Variants in GLT1D1 observed in about 807,000 individuals in gnomAD.
GLT1D1 encodes the protein glycosyltransferase 1 domain containing 1, also known as glycosyltransferase 1 domain-containing protein 1.
A neutral mutation model predicts 28.7 loss-of-function variants in GLT1D1; 21 were observed. The observed-to-expected ratio is 0.73, with a 90% confidence interval of 0.52 to 1.05. The LOEUF is 1.05. Among genes scored for constraint, GLT1D1 ranks in the 50% least tolerant of loss-of-function variants. The pLI is 0.00. For synonymous variants in GLT1D1, 147 were observed against 124.8 expected (o/e 1.18, Z -1.19); for missense variants, 343 against 330.6 (o/e 1.04, Z -0.29).
chr12:128,969,280 A>ACT (rs375310886), intron 7 of GLT1D1, among the ~76,000 whole-genome samples: 4 of 117,938 alleles, frequency 3.4e-5, no homozygotes, highest in Middle Eastern at 4.3e-3. Flanking sequence ...TCTCTCTCTC[A>ACT]CTCTCTCTCT....
At chr12:128,975,868 G>C (rs1490678169) in intron 7 of GLT1D1, among the ~76,000 whole-genome samples, 1 of 152,190 alleles carries the variant, frequency 6.6e-6, no homozygotes. Flanking sequence ...TGTTTTAAGA[G>C]GTGGGTGGAA....
At chr12:128,862,520 G>A (rs912982554) in intron 1 of GLT1D1, among the ~76,000 whole-genome samples, 3 of 152,028 alleles carry the variant, frequency 2.0e-5, no homozygotes, top group African/African-American at 7.2e-5. Flanking sequence ...GCTGAGCATA[G>A]TGGTCCCAGC....
intron 7 of GLT1D1, among the ~76,000 whole-genome samples, chr12:128,962,771 G>A (rs932331238): frequency 1.3e-5 from 2 of 151,996 alleles, no homozygotes; most frequent in Non-Finnish European, 2.9e-5. Flanking sequence ...ATGTGATCTC[G>A]GCTTGCTGCA....
intron 2 of GLT1D1, among the ~76,000 whole-genome samples, chr12:128,881,562 ATATATATATATAT>A (rs1276439305): frequency 4.6e-5 from 1 of 21,874 alleles, no homozygotes; most frequent in African/African-American, 2.0e-4. Context: ...AAAAAAAAAA[ATATATATATATAT>A]ATATATATAT....
At chr12:128,975,677 C>T (rs1468819163) in intron 7 of GLT1D1, among the ~76,000 whole-genome samples, 1 of 152,190 alleles carries the variant, frequency 6.6e-6, no homozygotes, top group Non-Finnish European at 1.5e-5. Context: ...GGCTTGAACT[C>T]CTGACCTCAA....
At chr12:128,887,797 T>C (rs999989114) in intron 2 of GLT1D1, among the ~76,000 whole-genome samples, 1 of 152,108 alleles carries the variant, frequency 6.6e-6, no homozygotes, top group African/African-American at 2.4e-5. Flanking sequence ...AGAAATAGCT[T>C]GTTTGAGAAA....
chr12:128,865,802 A>T (rs868279822), intron 1 of GLT1D1, among the ~76,000 whole-genome samples: 8 of 152,132 alleles, frequency 5.3e-5, no homozygotes, highest in African/African-American at 1.4e-4. Flanking sequence ...AGCCTGGGTG[A>T]CAGGGCGAGA....
Position 128,945,453 on chromosome 12 carries a change from C to T in GLT1D1, c.419+84C>T. ...TTACCTGAACTCACATTTATCCAGT[C>T]CCAGGCACTATTCCAAGCAGTTTCC... On this transcript the variant is annotated intron_variant, in intron 5 of 7. Transcript: ENST00000281703. 8 of 1,081,164 alleles carry T rather than the reference C, an allele frequency of 7.4e-6. No individual in the cohort carries two copies. In the South Asian group the frequency reaches 9.9e-5, roughly 13 times the overall value. 67.0% of individuals were successfully genotyped at this position (1,081,164 alleles called of 1,614,324 possible). A position where few individuals can be genotyped will look rare whatever the true frequency, so the allele number is the denominator to read the frequency against.
intron 4 of GLT1D1, among the ~76,000 whole-genome samples, chr12:128,931,917 G>GCA (rs372135029): frequency 1.2e-3 from 174 of 141,096 alleles, no homozygotes; most frequent in South Asian, 1.8e-3. Context: ...ACACACGCAC[G>GCA]CACACACACA....
intron 1 of GLT1D1, among the ~76,000 whole-genome samples, chr12:128,854,231 G>C (rs1418440944): frequency 6.6e-6 from 1 of 152,146 alleles, no homozygotes; most frequent in Non-Finnish European, 1.5e-5. Context: ...TGTTCTGGTC[G>C]CTGGAACGCA....
At chr12:128,971,361 G>A (rs997471995) in intron 7 of GLT1D1, among the ~76,000 whole-genome samples, 18 of 118,282 alleles carry the variant, frequency 1.5e-4, no homozygotes, top group African/African-American at 5.0e-4. Context: ...TCTGTTCTTT[G>A]CTCCCATTTT....
intron 4 of GLT1D1, 82 bp downstream of exon 4, chr12:128,899,369 C>A: frequency 8.7e-7 from 1 of 1,146,418 alleles, no homozygotes; most frequent in Non-Finnish European, 1.3e-6. Context: ...CCTTACTGAG[C>A]TGACAGTGTT....
intron 1 of GLT1D1, among the ~76,000 whole-genome samples, chr12:128,862,606 T>G (rs1474814759): frequency 6.6e-6 from 1 of 152,188 alleles, no homozygotes; most frequent in South Asian, 2.1e-4. Flanking sequence ...ATGGCACCAC[T>G]GCACTCCAGC....
chr12:128,920,785 T>A (rs1183042958), intron 4 of GLT1D1, among the ~76,000 whole-genome samples: 7 of 152,238 alleles, frequency 4.6e-5, no homozygotes, highest in Non-Finnish European at 7.3e-5. Context: ...GAAATGGTTC[T>A]ATCGGAAAGA....
At chr12:128,933,923 G>A (rs545204013) in intron 4 of GLT1D1, among the ~76,000 whole-genome samples, 85 of 152,266 alleles carry the variant, frequency 5.6e-4, no homozygotes, top group Non-Finnish European at 8.2e-4. Context: ...AGAAGTGGGC[G>A]AGAGGTCAAG....
chr12:128,881,534 GAAAAAAAAAA>G lies in GLT1D1; in HGVS notation c.217+5491_217+5500del, dbSNP rs1161429342. On this transcript the variant is annotated intron_variant, in intron 2 of 7. Coordinates refer to ENST00000281703, the MANE Select transcript of GLT1D1 (RefSeq NM_144669.3). ...GGGCAACAGAGTGAGACTCTGTATC[GAAAAAAAAAA>G]AAAAAAAAAAAAAAAAAATATATAT... 8.4e-4 allele frequency among the ~76,000 whole-genome samples: 20 copies of G among 23,882 alleles called. 1 individual carries two copies. The highest frequency in any genetic ancestry group is 1.4e-3 in the African/African-American group (9 of 6,226). 15.7% of individuals were successfully genotyped at this position (23,882 alleles called of 152,430 possible). A position where few individuals can be genotyped will look rare whatever the true frequency, so the allele number is the denominator to read the frequency against.
chr12:128,977,758 TTCTTTTC>T, intron 7 of GLT1D1, among the ~76,000 whole-genome samples: 1 of 87,468 alleles, frequency 1.1e-5, no homozygotes, highest in East Asian at 4.1e-4. Context: ...GCCTTGTGAG[TTCTTTTC>T]TTTTTTCTTT....
At chr12:128,871,034 G>A (rs947769442) in intron 1 of GLT1D1, among the ~76,000 whole-genome samples, 14 of 151,954 alleles carry the variant, frequency 9.2e-5, no homozygotes, top group Admixed American at 8.5e-4. Flanking sequence ...AGAAACTACC[G>A]ATTGTCTCTA....
chr12:128,959,057 C>T (rs958483270), intron 7 of GLT1D1, among the ~76,000 whole-genome samples: 8 of 151,352 alleles, frequency 5.3e-5, no homozygotes, highest in African/African-American at 1.9e-4. Flanking sequence ...AGGCTGGTCT[C>T]GAACTCCTGG....
Sources: gnomAD v4.1 joint callset for allele counts (sites outside exome capture counted in the v4.1 genomes callset) on GRCh38, gnomAD v4.1.1 for gene constraint, MANE v1.5 for transcripts, NCBI Gene and HGNC (gene_info 2026-07-23, HGNC 2026-07-21) for gene names.